AKAP13: variants seen among roughly 807,000 people sequenced by gnomAD.
The protein encoded by AKAP13 is A-kinase anchor protein 13.
In AKAP13, 80 loss-of-function variants were observed where a neutral mutation model predicts 264.5. That is an observed-to-expected ratio of 0.30 (90% CI 0.25 to 0.36). The LOEUF is 0.36. Among genes scored for constraint, AKAP13 ranks in the 10% least tolerant of loss-of-function variants. The pLI, the probability that AKAP13 is intolerant of heterozygous loss-of-function variation, is 1.00. For missense variants in AKAP13, 3,712 were observed against 3,435.2 expected, an observed-to-expected ratio of 1.08 and a Z score of -2.01; for synonymous variants, 1,380 against 1,250.2, an observed-to-expected ratio of 1.10 and a Z score of -2.19.
rs376913045 is a variant in AKAP13, at chr15:85,464,843, T to C, written c.-11-20867T>C. Among the ~76,000 whole-genome samples, 28 of 152,354 alleles carry C rather than the reference T, an allele frequency of 1.8e-4. 1 individual carries two copies. In the East Asian group the frequency reaches 5.4e-3, roughly 29 times the overall value. On this transcript the variant is annotated intron_variant, in intron 1 of 36. Coordinates refer to ENST00000394518, the MANE Select transcript of AKAP13 (RefSeq NM_007200.5). ...CCTTTTTCTTCTTTTACTAGTTCTT[T>C]AATTTCTAAGGATAGGTTAATGATG...
At chr15:85,415,338 A>G (rs1384012627) in intron 1 of AKAP13, 2 of 1,579,008 alleles carry the variant, frequency 1.3e-6, no homozygotes, top group African/African-American at 1.3e-5. Flanking sequence ...AATGGACACA[A>G]TAGCCAAGCC....
At chr15:85,641,473 T>G (rs1397266375) in intron 9 of AKAP13, among the ~76,000 whole-genome samples, 1 of 135,430 alleles carries the variant, frequency 7.4e-6, no homozygotes, top group Non-Finnish European at 1.6e-5. Flanking sequence ...AATAAATAAA[T>G]AAATAAATAA....
chr15:85,462,559 A>AC (rs535248828), intron 1 of AKAP13, among the ~76,000 whole-genome samples: 128 of 152,282 alleles, frequency 8.4e-4, no homozygotes, highest in African/African-American at 2.7e-3. Flanking sequence ...TTCTCAAGAG[A>AC]CCAACTAATT....
intron 8 of AKAP13, among the ~76,000 whole-genome samples, chr15:85,602,075 A>T (rs2080106861): frequency 6.6e-6 from 1 of 152,052 alleles, no homozygotes; most frequent in Admixed American, 6.6e-5. Context: ...AGGGAGAACT[A>T]CCTTAATAGT....
chr15:85,717,194 AGTTGTCATTC>A (rs2087001606), intron 20 of AKAP13, 86 bp from the exon 21 acceptor site: 2 of 727,168 alleles, frequency 2.8e-6, no homozygotes, highest in East Asian at 5.9e-5. Flanking sequence ...ACTTCCAGCC[AGTTGTCATTC>A]TAGAGTCTTC....
At chr15:85,591,620 T>G (rs542963459) in intron 8 of AKAP13, among the ~76,000 whole-genome samples, 1 of 151,834 alleles carries the variant, frequency 6.6e-6, no homozygotes, top group Non-Finnish European at 1.5e-5. Context: ...GGAGATGACA[T>G]TGAATACTTA....
chr15:85,461,522 T>C (rs1337923909), intron 1 of AKAP13, among the ~76,000 whole-genome samples: 1 of 152,226 alleles, frequency 6.6e-6, no homozygotes, highest in Non-Finnish European at 1.5e-5. Context: ...ATTTGTATCC[T>C]GATAATGTGT....
At chr15:85,525,051 T>C (rs1336655672) in intron 3 of AKAP13, among the ~76,000 whole-genome samples, 1 of 142,376 alleles carries the variant, frequency 7.0e-6, no homozygotes, top group Non-Finnish European at 1.5e-5. Context: ...ATTTTATCTA[T>C]CTTTAAATTT....
chr15:85,466,914 A>G (rs1395639285), intron 1 of AKAP13, among the ~76,000 whole-genome samples: 2 of 149,786 alleles, frequency 1.3e-5, no homozygotes, highest in Non-Finnish European at 3.0e-5. Flanking sequence ...TTTGTTTACC[A>G]TCCCTTCACT....
Position 85,730,619 on chromosome 15 carries a change from C to T in AKAP13, c.7194C>T (p.Ser2398=), listed in dbSNP as rs775883717. The change falls in exon 30 of 37, where the codon TCC becomes TCT. Residue 2398 remains serine (S), a synonymous_variant. Transcript: ENST00000394518. ...GCACCCCTCTCCCAGAGGATTGCTC[C>T]CCAACACATAGCCCTAGAGTTCTCT... The part of the protein sequence containing the change: ...ECSTPLPEDC[S]PTHSPRVLFR... 2 of 1,614,016 alleles carry T rather than the reference C, an allele frequency of 1.2e-6. No homozygotes were observed. The highest frequency in any genetic ancestry group is 1.7e-6 in the Non-Finnish European group (2 of 1,180,036).
intron 17 of AKAP13, among the ~76,000 whole-genome samples, chr15:85,701,634 G>C (rs2085920095): frequency 7.2e-6 from 1 of 139,766 alleles, no homozygotes; most frequent in African/African-American, 2.7e-5. Flanking sequence ...ATTAGAGTTG[G>C]GGTTTCACCA....
intron 3 of AKAP13, among the ~76,000 whole-genome samples, chr15:85,525,981 C>T (rs1347812027): frequency 4.6e-5 from 7 of 152,142 alleles, no homozygotes; most frequent in Non-Finnish European, 8.8e-5. Context: ...AATCTATTTT[C>T]AGCATGTCTG....
chr15:85,559,943 G>A (rs1015496560), intron 5 of AKAP13, among the ~76,000 whole-genome samples: 2 of 151,950 alleles, frequency 1.3e-5, no homozygotes, highest in African/African-American at 4.8e-5. Flanking sequence ...AAAAGAAAAA[G>A]TACATTAGTG....
rs780936254 is a variant in AKAP13, at chr15:85,581,851, A to G, written c.3783A>G (p.Glu1261=). ...GCCGTATAGTGGATGCTGTCATCGA[A>G]CAAGTCAAGGCCGCTGGAGCACTGC... ...AASRIVDAVI[E]QVKAAGALLT... The change falls in exon 7 of 37, where the codon GAA becomes GAG. Residue 1261 remains glutamate (E), a synonymous_variant. Transcript: ENST00000394518. 2.5e-6 allele frequency: 4 copies of G among 1,614,234 alleles called. No homozygotes were observed.
intron 2 of AKAP13, among the ~76,000 whole-genome samples, chr15:85,493,276 T>G (rs1299953190): frequency 2.0e-5 from 3 of 152,228 alleles, no homozygotes; most frequent in Admixed American, 2.0e-4. Context: ...GTGAATGAAC[T>G]ACAGTTTAGA....
chr15:85,452,336 G>C (rs1253563420), intron 1 of AKAP13, among the ~76,000 whole-genome samples: 1 of 149,628 alleles, frequency 6.7e-6, no homozygotes, highest in Non-Finnish European at 1.5e-5. Flanking sequence ...AATGATCTTT[G>C]TTCCTATCCA....
intron 1 of AKAP13, among the ~76,000 whole-genome samples, chr15:85,471,636 A>G (rs543038061): frequency 6.6e-6 from 1 of 152,320 alleles, no homozygotes; most frequent in South Asian, 2.1e-4. Flanking sequence ...AGCAAATAGA[A>G]CATTCCTATC....
chr15:85,684,647 C>T, intron 15 of AKAP13, 94 bp from the exon 16 acceptor site: 1 of 1,346,460 alleles, frequency 7.4e-7, no homozygotes, highest in Non-Finnish European at 1.0e-6. Flanking sequence ...TATAAAAAGC[C>T]ATTCAGCAGC....
At chr15:85,525,146 C>T (rs1048886211) in intron 3 of AKAP13, among the ~76,000 whole-genome samples, 7 of 150,660 alleles carry the variant, frequency 4.6e-5, no homozygotes, top group African/African-American at 1.7e-4. Flanking sequence ...GCAAGCTCCG[C>T]CTCTTGGGTT....
Sources: allele counts gnomAD v4.1 joint callset (sites outside exome capture counted in the v4.1 genomes callset), GRCh38; gene constraint gnomAD v4.1.1; transcripts MANE v1.5; gene names NCBI Gene and HGNC (gene_info 2026-07-23, HGNC 2026-07-21).